Variants in POLN observed in about 807,000 individuals in gnomAD.
POLN encodes DNA polymerase N.
POLN carries 108 observed loss-of-function variants against 113.5 expected under a neutral mutation model. The ratio of observed to expected loss-of-function variants is 0.95; its 90% confidence interval spans 0.81 to 1.12. The LOEUF (loss-of-function observed/expected upper bound fraction) is 1.12. Ranked by LOEUF, POLN falls within the 50% of genes most tolerant of loss-of-function variation. POLN has a pLI of 0.00. For missense variants in POLN, 1,097 were observed against 1,077.1 expected (o/e 1.02, Z -0.26); for synonymous variants, 386 against 391.5 (o/e 0.99, Z 0.17).
At chr4:2,098,280 A>C (rs1471270088) in intron 19 of POLN, among the ~76,000 whole-genome samples, 4 of 152,154 alleles carry the variant, frequency 2.6e-5, no homozygotes. Context: ...TTAGCTGGGC[A>C]TGATGATATG....
At chr4:2,205,664 G>A (rs1733821887) in intron 5 of POLN, among the ~76,000 whole-genome samples, 1 of 152,126 alleles carries the variant, frequency 6.6e-6, no homozygotes, top group South Asian at 2.1e-4. Flanking sequence ...CACAAGGTCA[G>A]GAGTTCGAGA....
chr4:2,198,486 G>A (rs1427580449), intron 6 of POLN, 38 bp downstream of exon 6: 4 of 1,536,416 alleles, frequency 2.6e-6, no homozygotes, highest in Non-Finnish European at 3.5e-6. Flanking sequence ...AAGCAGGCAT[G>A]TAAGTAGGGT....
intron 13 of POLN, among the ~76,000 whole-genome samples, chr4:2,160,838 G>A (rs544081184): frequency 1.3e-5 from 2 of 152,198 alleles, no homozygotes; most frequent in Admixed American, 1.3e-4. Flanking sequence ...CTACCTCAAG[G>A]CCTTAAAGAT....
Position 2,081,693 on chromosome 4 carries a change from C to A in POLN, c.2248G>T (p.Ala750Ser). ...GRRRPLPRIH[A>S]HDQQLRAQAE... ...TGTGCCCGGAGTTGCTGGTCATGAGCGTGAATCCTTGGCAGGGGTCTCCTT... is the reference window on the plus strand; with the variant it reads ...TGTGCCCGGAGTTGCTGGTCATGAGAGTGAATCCTTGGCAGGGGTCTCCTT... Residue 750 changes from alanine to serine, a missense_variant, in exon 22 of 26, where the codon GCT becomes TCT. Physicochemically the swap from Ala to Ser is moderately conservative, Grantham distance 99. Transcript: ENST00000511885. 6.2e-7 allele frequency: 1 copy of A among 1,614,148 alleles called. No individual in the cohort carries two copies. The highest frequency in any genetic ancestry group is 1.1e-5 in the South Asian group (1 of 91,092).
chr4:2,113,243 G>C (rs1442731601), intron 19 of POLN, among the ~76,000 whole-genome samples: 2 of 119,604 alleles, frequency 1.7e-5, no homozygotes, highest in Non-Finnish European at 3.4e-5. Flanking sequence ...TTGCAGGGTG[G>C]GGGGAGGGGG....
chr4:2,072,220 GGCGGAGGGCCCCAGGCC>G lies in POLN; in HGVS notation c.2580_2596del (p.Glu860AspfsTer7). The G allele has an allele frequency of 6.2e-7, 1 of 1,606,332 alleles. No homozygotes were observed. The highest frequency in any genetic ancestry group is 8.5e-7 in the Non-Finnish European group (1 of 1,175,622). Reference sequence around the variant, plus strand: ...GGGAGACTCAGTGCGACATGGGCCTGGCGGAGGGCCCCAGGCCTCCTGCAGTGGCACCAGGTGTCCCC... The same window carrying G: ...GGGAGACTCAGTGCGACATGGGCCTGTCCTGCAGTGGCACCAGGTGTCCCC... On this transcript the variant is annotated frameshift_variant, in exon 26 of 26. Coordinates refer to ENST00000511885, the MANE Select transcript of POLN (RefSeq NM_181808.4). LOFTEE classifies it low-confidence loss of function (END_TRUNC).
rs369022619 is a variant in POLN, at chr4:2,170,601, TG to T, written c.1554+77del. The T allele has an allele frequency of 9.6e-4, 1,179 of 1,227,158 alleles. 12 individuals carry two copies. The African/African-American group carries it at 0.016, about 17-fold the overall frequency. The allele number at this position is 1,227,158 out of a possible 1,614,324, so 76.0% of individuals were successfully genotyped here. A position where few individuals can be genotyped will look rare whatever the true frequency, so the allele number is the denominator to read the frequency against. ...GAGGGGACGGCCTGAGAGTCTCGGGTGGGTCTGAAGGTCAGCACACATGTGG... is the reference window on the plus strand; with the variant it reads ...GAGGGGACGGCCTGAGAGTCTCGGGTGGTCTGAAGGTCAGCACACATGTGG... On this transcript the variant is annotated intron_variant, in intron 13 of 25. Transcript: ENST00000511885.
At chr4:2,195,113 T>C (rs1372783524) in intron 6 of POLN, among the ~76,000 whole-genome samples, 1 of 152,130 alleles carries the variant, frequency 6.6e-6, no homozygotes. Flanking sequence ...CATGTTTTTG[T>C]GCAAAAAAGT....
At chr4:2,181,859 G>C (rs1733151426) in intron 7 of POLN, among the ~76,000 whole-genome samples, 1 of 152,118 alleles carries the variant, frequency 6.6e-6, no homozygotes, top group African/African-American at 2.4e-5. Flanking sequence ...AATTAGCTGG[G>C]TGTGGTGGTG....
At chr4:2,159,120 C>T (rs1561052340) in intron 14 of POLN, 35 bp downstream of exon 14, 1 of 1,495,844 alleles carries the variant, frequency 6.7e-7, no homozygotes. Flanking sequence ...CCCCTCATCA[C>T]CTTTTACCTT....
chr4:2,241,620 C>T lies in POLN; in HGVS notation c.-113G>A. The T allele has an allele frequency of 1.0e-6, 1 of 985,510 alleles. No homozygotes were observed. The highest frequency in any genetic ancestry group is 4.7e-5 in the South Asian group (1 of 21,290). 61.0% of individuals were successfully genotyped at this position (985,510 alleles called of 1,614,324 possible). A position where few individuals can be genotyped will look rare whatever the true frequency, so the allele number is the denominator to read the frequency against. On this transcript the variant is annotated 5_prime_UTR_variant, in exon 2 of 26. Coordinates refer to ENST00000511885, the MANE Select transcript of POLN (RefSeq NM_181808.4). ...AAGCGCGCGGCCACAATTAAGGGTGCTTCGGGCCGGCCTTCAGCCAGCGCT... is the reference window on the plus strand; with the variant it reads ...AAGCGCGCGGCCACAATTAAGGGTGTTTCGGGCCGGCCTTCAGCCAGCGCT...
chr4:2,089,286 T>C, intron 20 of POLN: 1 of 1,438,686 alleles, frequency 7.0e-7, no homozygotes, highest in Non-Finnish European at 9.5e-7. Flanking sequence ...TGGGAGAAGC[T>C]TTAGGAAATG....
At chr4:2,203,533 T>C (rs914262995) in intron 5 of POLN, among the ~76,000 whole-genome samples, 1 of 150,532 alleles carries the variant, frequency 6.6e-6, no homozygotes. Context: ...AGAGCCAAGA[T>C]TGTACCACTG....
chr4:2,179,312 A>T lies in POLN; in HGVS notation c.1175T>A (p.Ile392Asn). 1 of 1,611,260 alleles carries T rather than the reference A, an allele frequency of 6.2e-7. No homozygotes were observed. Among genetic ancestry groups the T allele is most frequent in the Non-Finnish European group, 8.5e-7 (1 of 1,178,606 alleles). Residue 392 changes from isoleucine (I) to asparagine (N), a missense_variant, in exon 8 of 26, where the codon ATT becomes AAT. Coordinates refer to ENST00000511885, the MANE Select transcript of POLN (RefSeq NM_181808.4). ...NSTYGNSSRN[I>N]VNQNVRENLK... The stretch of plus-strand genomic sequence containing the variant: ...ACTTTATCTTAAACAACTCACCACA[A>T]TATTTCTTGAGGAATTTCCATATGT...
In POLN at chr4:2,156,558, TTTCTGG is replaced by T. The variant is rs373079161; in HGVS notation, c.1731+224_1731+229del. ...TTGCCTGCACACTGGAGTGCATGGG[TTTCTGG>T]GTGTGAAGCCCCCCTCTTGCTAACT... On this transcript the variant is annotated intron_variant, in intron 16 of 25. Coordinates refer to ENST00000511885, the MANE Select transcript of POLN (RefSeq NM_181808.4). The T allele has an allele frequency of 1.5e-3, 968 of 630,144 alleles. 7 individuals are homozygous for T. The African/African-American group carries it at 0.016, about 11-fold the overall frequency. The allele number at this position is 630,144 out of a possible 1,614,324, so 39.0% of individuals were successfully genotyped here.
intron 7 of POLN, among the ~76,000 whole-genome samples, chr4:2,190,527 C>A (rs73201258): frequency 0.04 from 6,041 of 150,380 alleles, 161 homozygotes; most frequent in Middle Eastern, 0.051. Flanking sequence ...AAAGCAAAAA[C>A]AGACAAATGA....
intron 3 of POLN, among the ~76,000 whole-genome samples, chr4:2,214,304 A>G (rs1734062163): frequency 6.6e-6 from 1 of 152,190 alleles, no homozygotes; most frequent in Admixed American, 6.6e-5. Context: ...GACAACCCAG[A>G]GACTGATCCC....
intron 3 of POLN, among the ~76,000 whole-genome samples, chr4:2,220,100 A>G (rs1040566371): frequency 6.6e-6 from 1 of 151,946 alleles, no homozygotes. Context: ...CCCAGCTACA[A>G]ATTCGCCTCT....
intron 19 of POLN, among the ~76,000 whole-genome samples, chr4:2,103,388 T>C (rs147704300): frequency 6.6e-6 from 1 of 152,162 alleles, no homozygotes; most frequent in African/African-American, 2.4e-5. Context: ...GGCAGGTCTT[T>C]TGGAATCCAC....
Sources: gnomAD v4.1 joint callset for allele counts (sites outside exome capture counted in the v4.1 genomes callset) on GRCh38, gnomAD v4.1.1 for gene constraint, MANE v1.5 for transcripts, NCBI Gene and HGNC (gene_info 2026-07-23, HGNC 2026-07-21) for gene names.